Variants in AMOT observed in about 807,000 individuals in gnomAD.
AMOT encodes the protein angiomotin.
In AMOT, 11 loss-of-function variants were observed where a neutral mutation model predicts 67.0. That is an observed-to-expected ratio of 0.16 (90% CI 0.10 to 0.27). The LOEUF (loss-of-function observed/expected upper bound fraction) is 0.27. Ranked by LOEUF, AMOT falls within the 10% of genes least tolerant of loss-of-function variation. The pLI, the probability that AMOT is intolerant of heterozygous loss-of-function variation, is 1.00. For synonymous variants in AMOT, 326 were observed against 321.4 expected, an observed-to-expected ratio of 1.01 and a Z score of -0.15; for missense variants, 753 against 852.0, an observed-to-expected ratio of 0.88 and a Z score of 1.45.
intron 2 of AMOT, among the ~76,000 whole-genome samples, chrX:112,829,923 C>T (rs928189073): frequency 9.0e-6 from 1 of 111,702 alleles, no homozygotes. Flanking sequence ...ATCACATCCC[C>T]TTCTTTATTA....
At chrX:112,838,860 T>C (rs752126326) in intron 1 of AMOT, among the ~76,000 whole-genome samples, 6 of 112,370 alleles carry the variant, frequency 5.3e-5, no homozygotes, top group African/African-American at 1.6e-4. Context: ...TGAAGTATGA[T>C]GTAGTGCCAG....
At position 112,778,389 on chromosome X, in the gene AMOT, A is replaced by T; in HGVS notation, c.*178T>A. 2.4e-6 allele frequency: 1 copy of T among 413,594 alleles called. No homozygotes were observed. Among genetic ancestry groups the T allele is most frequent in the East Asian group, 3.6e-5 (1 of 27,978 alleles). 34.1% of individuals were successfully genotyped at this position (413,594 alleles called of 1,213,427 possible). A position where few individuals can be genotyped will look rare whatever the true frequency, so the allele number is the denominator to read the frequency against. ...TTAGAGGTACTCCCTAAGCATACCAAAATAGACTGGTGTTCACATGGTATT... is the reference window on the plus strand; with the variant it reads ...TTAGAGGTACTCCCTAAGCATACCATAATAGACTGGTGTTCACATGGTATT... On this transcript the variant is annotated 3_prime_UTR_variant, in exon 14 of 14. Coordinates refer to ENST00000371959, the MANE Select transcript of AMOT (RefSeq NM_001113490.2).
chrX:112,829,546 G>A (rs1934933609), intron 2 of AMOT, among the ~76,000 whole-genome samples: 1 of 111,863 alleles, frequency 8.9e-6, no homozygotes. Context: ...CTTCTTTATA[G>A]CAATGCAAGG....
At chrX:112,799,635 G>C (rs1347513352) in intron 8 of AMOT, among the ~76,000 whole-genome samples, 2 of 111,985 alleles carry the variant, frequency 1.8e-5, no homozygotes, top group African/African-American at 6.5e-5. Context: ...AAGCAATTTG[G>C]TAACACTACC....
At chrX:112,782,189 G>A (rs188929210) in intron 11 of AMOT, among the ~76,000 whole-genome samples, 3 of 111,855 alleles carry the variant, frequency 2.7e-5, no homozygotes, top group East Asian at 2.8e-4. Flanking sequence ...GTGCCCGGCC[G>A]AGCAGATGTT....
chrX:112,834,497 C>T (rs763816919), intron 1 of AMOT, among the ~76,000 whole-genome samples: 8 of 111,689 alleles, frequency 7.2e-5, no homozygotes, highest in Non-Finnish European at 1.1e-4. Flanking sequence ...AGACTCTCCA[C>T]CAAATCCACC....
chrX:112,824,116 G>A (rs145011250), intron 3 of AMOT, among the ~76,000 whole-genome samples: 1,532 of 111,473 alleles, frequency 0.014, 32 homozygotes, highest in African/African-American at 0.047. Context: ...TCATACTATT[G>A]GTTTACAGGG....
intron 8 of AMOT, 75 bp downstream of exon 8, chrX:112,804,872 C>A: frequency 8.5e-7 from 1 of 1,175,271 alleles, no homozygotes; most frequent in Non-Finnish European, 1.1e-6. Flanking sequence ...CAATTCACCA[C>A]AATGTGGAGC....
Position 112,779,678 on chromosome X carries a change from T to A in AMOT, c.2476A>T (p.Ile826Phe). ...GCACGGTAGTCTCCACCCAGGAGAA[T>A]GCCTACAAATGAAAGAGGAACAGAT... is the stretch of plus-strand genomic sequence containing the variant. ...DDKSWKGSLG[I>F]LLGGDYRAEY... The change falls in exon 13 of 14, where the codon ATT becomes TTT. Residue 826 changes from isoleucine (I) to phenylalanine (F), a missense_variant and splice_region_variant. By Grantham distance (21) the Ile-to-Phe change is conservative. This residue lies in a region of AMOT where 269 missense variants were observed against 300.9 expected (regional missense o/e 0.89). Coordinates refer to ENST00000371959, the MANE Select transcript of AMOT (RefSeq NM_001113490.2). The A allele has an allele frequency of 8.5e-7, 1 of 1,179,867 alleles. No individual in the cohort carries two copies. The highest frequency in any genetic ancestry group is 1.1e-6 in the Non-Finnish European group (1 of 874,281).
Position 112,806,611 on chromosome X carries a change from T to G in AMOT, c.1631-1519A>C, listed in dbSNP as rs867891227. 2.7e-5 allele frequency among the ~76,000 whole-genome samples: 3 copies of G among 110,740 alleles called. No individual in the cohort carries two copies. In the Middle Eastern group the frequency reaches 0.014, roughly 515 times the overall value. On this transcript the variant is annotated intron_variant, in intron 7 of 13. Transcript: ENST00000371959. ...AAAATAGAGGAAGAAAGCACCAGTA[T>G]GAGACAGTAGCCAAAACTATAATTT...
chrX:112,830,472 G>T (rs1012106808), intron 2 of AMOT, among the ~76,000 whole-genome samples: 2 of 112,316 alleles, frequency 1.8e-5, no homozygotes, highest in South Asian at 3.7e-4. Context: ...GTTTCTTCAT[G>T]ATAGAATCCC....
Position 112,779,007 on chromosome X carries a change from T to C in AMOT, c.3147A>G (p.Pro1049=), listed in dbSNP as rs1280795968. The C allele has an allele frequency of 3.3e-6, 4 of 1,209,157 alleles. No homozygotes were observed. Among genetic ancestry groups the C allele is most frequent in the Non-Finnish European group, 4.5e-6 (4 of 894,183 alleles). Residue 1049 remains proline, a synonymous_variant, in exon 13 of 14, where the codon CCA becomes CCG. Transcript: ENST00000371959. The part of the protein sequence containing the change: ...RLSIPSLTCN[P]DKTDGPVFHS... ...AAAGGGAATAATTACCTGTTTTGTCTGGATTGCAGGTCAAACTTGGTATAG... is the reference window on the plus strand; with the variant it reads ...AAAGGGAATAATTACCTGTTTTGTCCGGATTGCAGGTCAAACTTGGTATAG...
intron 8 of AMOT, 49 bp downstream of exon 8, chrX:112,804,898 T>TACCAC: frequency 1.2e-6 from 1 of 837,585 alleles, no homozygotes; most frequent in Non-Finnish European, 1.7e-6. Flanking sequence ...GTCCCCGATT[T>TACCAC]CCCAGCCCTC....
chrX:112,816,007 T>G, intron 4 of AMOT, 130 bp from the exon 5 acceptor site: 1 of 962,609 alleles, frequency 1.0e-6, no homozygotes, highest in Non-Finnish European at 1.4e-6. Flanking sequence ...GCAGGCAGGG[T>G]CTGACTATGG....
intron 5 of AMOT, among the ~76,000 whole-genome samples, chrX:112,814,560 T>C (rs946754037): frequency 3.6e-5 from 4 of 110,179 alleles, no homozygotes; most frequent in Non-Finnish European, 7.6e-5. Context: ...GCCAAAGGCA[T>C]AACCCTATTC....
In AMOT at chrX:112,815,747, G is replaced by C. The variant is rs1206993994; in HGVS notation, c.1003C>G (p.Arg335Gly). The C allele has an allele frequency of 8.6e-7, 1 of 1,167,546 alleles. No homozygotes were observed. Among genetic ancestry groups the C allele is most frequent in the Non-Finnish European group, 1.1e-6 (1 of 872,996 alleles). The change falls in exon 5 of 14, where the codon CGA becomes GGA. Residue 335 changes from arginine (R) to glycine (G), a missense_variant. Physicochemically the swap from Arg to Gly is moderately radical, Grantham distance 125. Around this residue, in one of 5 missense-constraint regions of AMOT, gnomAD observed 297 missense variants for 284.3 expected, o/e 1.04. Transcript: ENST00000371959. ...CCCTGGTTTGGGACCAAGGGGTGTCGGGCAGGAGACAATCTAGTGGATGGT... is the reference window on the plus strand; with the variant it reads ...CCCTGGTTTGGGACCAAGGGGTGTCCGGCAGGAGACAATCTAGTGGATGGT... Reference protein sequence around the residue: ...SPPSTRLSPARHPLVPNQGDH... With the variant: ...SPPSTRLSPAGHPLVPNQGDH...
chrX:112,778,607 C>G lies in AMOT; in HGVS notation c.3215G>C (p.Gly1072Ala). ...CACCATCTCTGCATCAGGCTCTTGT[C>G]CCAGGATCTGAATGGGAGTTTTTCT... ...LERKTPIQIL[G>A]QEPDAEMVEY... is the part of the protein sequence containing the mutation. Residue 1072 changes from glycine to alanine, a missense_variant, in exon 14 of 14, where the codon GGA (glycine) becomes GCA (alanine). Around this residue, in one of 5 missense-constraint regions of AMOT, gnomAD observed 269 missense variants for 300.9 expected, o/e 0.89. Transcript: ENST00000371959. 14 of 1,208,933 alleles carry G rather than the reference C, an allele frequency of 1.2e-5. No homozygotes were observed. The highest frequency in any genetic ancestry group is 1.6e-5 in the Non-Finnish European group (14 of 893,614).
rs140454433 is a variant in AMOT, at chrX:112,811,343, C to T, written c.1443G>A (p.Lys481=). 4 of 1,207,845 alleles carry T rather than the reference C, an allele frequency of 3.3e-6. No individual in the cohort carries two copies. The highest frequency in any genetic ancestry group is 2.3e-4 in the Middle Eastern group (1 of 4,346). The change falls in exon 6 of 14, where the codon AAG becomes AAA. Residue 481 remains lysine, a synonymous_variant. Coordinates refer to ENST00000371959, the MANE Select transcript of AMOT (RefSeq NM_001113490.2). ...RVSEAYENLV[K]SSSKREALEK... is the part of the protein sequence containing the mutation. Reference sequence around the variant, plus strand: ...CTAGGGCCTCTCTTTTGGAGGATGACTTCACGAGGTTCTCATATGCCTCCG... The same window carrying T: ...CTAGGGCCTCTCTTTTGGAGGATGATTTCACGAGGTTCTCATATGCCTCCG...
chrX:112,792,457 G>C (rs990206482), intron 8 of AMOT, among the ~76,000 whole-genome samples: 1 of 112,492 alleles, frequency 8.9e-6, no homozygotes, highest in Non-Finnish European at 1.9e-5. Context: ...CTTTTATGTA[G>C]CTGTCTCTTC....
Sources: gnomAD v4.1 joint callset for allele counts (sites outside exome capture counted in the v4.1 genomes callset) on GRCh38, gnomAD v4.1.1 for gene constraint, gnomAD v4.1.1 regional missense constraint, MANE v1.5 for transcripts, NCBI Gene and HGNC (gene_info 2026-07-23, HGNC 2026-07-21) for gene names.